Variants in SPINK13 observed in about 807,000 individuals in gnomAD.
The protein encoded by SPINK13 is serine peptidase inhibitor Kazal type 13.
In SPINK13, 11 loss-of-function variants were observed where a neutral mutation model predicts 11.0. That is an observed-to-expected ratio of 1.00 (90% confidence interval 0.63 to 1.65). The LOEUF is 1.65. Ranked by LOEUF, SPINK13 falls within the 40% of genes most tolerant of loss-of-function variation. The probability of loss-of-function intolerance (pLI) is 0.00; values close to 1 mark genes in which losing one functional copy is unlikely to be tolerated. For missense variants in SPINK13, 113 were observed against 117.7 expected, an observed-to-expected ratio of 0.96 and a Z score of 0.19; for synonymous variants, 31 against 35.6, an observed-to-expected ratio of 0.87 and a Z score of 0.46.
chr5:148,274,630 A>C (rs1002709916), intron 3 of SPINK13, among the ~76,000 whole-genome samples: 1 of 152,172 alleles, frequency 6.6e-6, no homozygotes, highest in African/African-American at 2.4e-5. Flanking sequence ...GGCTGTAGCC[A>C]GCTACATGGG....
rs1277842810 is a variant in SPINK13 at position 148,274,505 on chromosome 5, A to AG, written c.108+124dup. 11 of 726,388 alleles carry AG rather than the reference A, an allele frequency of 1.5e-5. No homozygotes were observed. In the East Asian group the frequency reaches 3.1e-4, roughly 20 times the overall value. 45.0% of individuals were successfully genotyped at this position (726,388 alleles called of 1,614,324 possible). On this transcript the variant is annotated intron_variant, in intron 3 of 4. Coordinates refer to ENST00000398450, the MANE Select transcript of SPINK13 (RefSeq NM_001040129.3). Reference sequence around the variant, plus strand: ...GCTCATGCCTGTAATTCCAGAACTTAGGGAAGCTGAGGCAGGAGGATCACC... The same window carrying AG: ...GCTCATGCCTGTAATTCCAGAACTTAGGGGAAGCTGAGGCAGGAGGATCACC...
At chr5:148,269,582 T>G (rs561657159) in intron 1 of SPINK13, among the ~76,000 whole-genome samples, 1 of 152,262 alleles carries the variant, frequency 6.6e-6, no homozygotes, top group African/African-American at 2.4e-5. Flanking sequence ...GAATCACATG[T>G]TATAGGGTTA....
chr5:148,280,389 T>C (rs1049934747), intron 3 of SPINK13, among the ~76,000 whole-genome samples: 13 of 152,176 alleles, frequency 8.5e-5, no homozygotes, highest in African/African-American at 1.2e-4. Context: ...ATTTTAAGCC[T>C]TTTTGGGCTG....
At chr5:148,270,589 T>A (rs1476901015) in intron 2 of SPINK13, among the ~76,000 whole-genome samples, 2 of 152,212 alleles carry the variant, frequency 1.3e-5, no homozygotes, top group African/African-American at 4.8e-5. Context: ...ATCATGAATG[T>A]ATAAAAACAA....
At chr5:148,280,965 G>T (rs1157564870) in intron 3 of SPINK13, among the ~76,000 whole-genome samples, 7 of 152,180 alleles carry the variant, frequency 4.6e-5, no homozygotes, top group Non-Finnish European at 7.4e-5. Flanking sequence ...CTGCCTTTTT[G>T]TCAGTGATGC....
intron 3 of SPINK13, among the ~76,000 whole-genome samples, chr5:148,275,734 C>T (rs1240959142): frequency 6.6e-6 from 1 of 151,510 alleles, no homozygotes; most frequent in South Asian, 2.1e-4. Flanking sequence ...GATCTTGGCT[C>T]ACTGCAAGCT....
intron 1 of SPINK13, 140 bp from the exon 2 acceptor site, chr5:148,269,900 C>T: frequency 4.2e-6 from 2 of 478,472 alleles, no homozygotes; most frequent in Non-Finnish European, 7.3e-6. Flanking sequence ...CTCTCTCAGG[C>T]CTGAGTTCCT....
intron 3 of SPINK13, among the ~76,000 whole-genome samples, chr5:148,276,786 A>C (rs1344913089): frequency 6.6e-6 from 1 of 152,168 alleles, no homozygotes; most frequent in East Asian, 1.9e-4. Context: ...TATGAAATTC[A>C]AAGTAGTTTT....
At position 148,285,651 on chromosome 5, in the gene SPINK13, C is replaced by T. The variant is rs534173742; in HGVS notation, c.237-349C>T. Among the ~76,000 whole-genome samples, 10 of 152,028 alleles carry T rather than the reference C, an allele frequency of 6.6e-5. No individual in the cohort carries two copies. In the South Asian group the frequency reaches 1.2e-3, roughly 19 times the overall value. ...AAAAATTTGAGCACAGAGCAAATTG[C>T]GTGAATTATGCATAGCATTATTGCT... On this transcript the variant is annotated intron_variant, in intron 4 of 4. Coordinates refer to ENST00000398450, the MANE Select transcript of SPINK13 (RefSeq NM_001040129.3).
chr5:148,276,181 A>T (rs991277422), intron 3 of SPINK13, among the ~76,000 whole-genome samples: 1 of 152,046 alleles, frequency 6.6e-6, no homozygotes, highest in Non-Finnish European at 1.5e-5. Context: ...CTTCCTGTAG[A>T]TTCTAGATAT....
chr5:148,278,638 TTTG>T (rs1325704830), intron 3 of SPINK13, among the ~76,000 whole-genome samples: 1 of 152,208 alleles, frequency 6.6e-6, no homozygotes, highest in Non-Finnish European at 1.5e-5. Flanking sequence ...TGAGAGACTG[TTTG>T]TTATGATTCC....
intron 2 of SPINK13, among the ~76,000 whole-genome samples, chr5:148,272,190 G>T (rs79248895): frequency 0.047 from 7,145 of 152,124 alleles, 425 homozygotes; most frequent in African/African-American, 0.14. Context: ...TCTTATACAT[G>T]TTTTTTGATG....
At position 148,269,981 on chromosome 5, in the gene SPINK13, C is replaced by T. The variant is rs1024484727; in HGVS notation, c.-33-59C>T. The T allele has an allele frequency of 1.4e-5, 18 of 1,258,114 alleles. No individual in the cohort carries two copies. The African/African-American group carries it at 2.5e-4, about 18-fold the overall frequency. The allele number at this position is 1,258,114 out of a possible 1,614,324, so 77.9% of individuals were successfully genotyped here. On this transcript the variant is annotated intron_variant, in intron 1 of 4. Transcript: ENST00000398450. ...GTATCACCTTAGGGTATTGTGTTCT[C>T]TCACATTGGAAAAGCTAGCTGTGGG... is the stretch of plus-strand genomic sequence containing the variant.
rs1756579068 is a variant in SPINK13, at chr5:148,285,680, G to A, written c.237-320G>A. On this transcript the variant is annotated intron_variant, in intron 4 of 4. Coordinates refer to ENST00000398450, the MANE Select transcript of SPINK13 (RefSeq NM_001040129.3). Reference sequence around the variant, plus strand: ...AATTATGCATAGCATTATTGCTGTGGTTATCTTTTACCTCTTGGTAAAAAA... The same window carrying A: ...AATTATGCATAGCATTATTGCTGTGATTATCTTTTACCTCTTGGTAAAAAA... Among the ~76,000 whole-genome samples the A allele has an allele frequency of 2.0e-5, 3 of 152,006 alleles. No individual in the cohort carries two copies. In the South Asian group the frequency reaches 6.2e-4, roughly 32 times the overall value.
At position 148,270,084 on chromosome 5, in the gene SPINK13, T is replaced by TC; in HGVS notation, c.16dup (p.His6ProfsTer23). 6.2e-7 allele frequency: 1 copy of TC among 1,614,092 alleles called. No homozygotes were observed. Among genetic ancestry groups the TC allele is most frequent in the Non-Finnish European group, 8.5e-7 (1 of 1,179,962 alleles). On this transcript the variant is annotated frameshift_variant, in exon 2 of 5. Transcript: ENST00000398450. LOFTEE classifies it high-confidence loss of function. ...TTATATGAGATCAAATGGCTGCCTT[T>TC]CCCCACAAGATTATATTTTTCCTGG...
At chr5:148,275,082 C>T (rs1756405413) in intron 3 of SPINK13, among the ~76,000 whole-genome samples, 1 of 151,988 alleles carries the variant, frequency 6.6e-6, no homozygotes, top group Non-Finnish European at 1.5e-5. Context: ...TTTGCTGCAC[C>T]CATCAACCTG....
At chr5:148,282,371 C>G in intron 4 of SPINK13, 140 bp downstream of exon 4, 1 of 1,004,482 alleles carries the variant, frequency 1.0e-6, no homozygotes, top group African/African-American at 1.9e-5. Context: ...AAACTGGGGA[C>G]AGACTACAGA....
chr5:148,283,928 A>T (rs188136825), intron 4 of SPINK13, among the ~76,000 whole-genome samples: 129 of 152,334 alleles, frequency 8.5e-4, no homozygotes, highest in African/African-American at 2.9e-3. Flanking sequence ...GATCTGCCGG[A>T]CTATTACTTC....
chr5:148,276,215 T>C lies in SPINK13; in HGVS notation c.108+1831T>C, dbSNP rs150198628. On this transcript the variant is annotated intron_variant, in intron 3 of 4. Coordinates refer to ENST00000398450, the MANE Select transcript of SPINK13 (RefSeq NM_001040129.3). ...ATTAGCCGTTTGTCAGATGGGTAGA[T>C]TGCAAAAATTCTCTCCCATTCTGTA... Among the ~76,000 whole-genome samples the C allele has an allele frequency of 6.8e-3, 1,029 of 152,322 alleles. 21 individuals carry two copies. Among genetic ancestry groups the C allele is most frequent in the African/African-American group, 0.024 (990 of 41,572 alleles).
Sources: gnomAD v4.1 joint callset for allele counts (sites outside exome capture counted in the v4.1 genomes callset) on GRCh38, gnomAD v4.1.1 for gene constraint, MANE v1.5 for transcripts, NCBI Gene and HGNC (gene_info 2026-07-23, HGNC 2026-07-21) for gene names.